Variants in LAMA3 observed in about 807,000 individuals in gnomAD.
The protein encoded by LAMA3 is laminin subunit alpha 3, also known as laminin subunit alpha-3.
A neutral mutation model predicts 402.0 loss-of-function variants in LAMA3; 281 were observed. The ratio of observed to expected loss-of-function variants is 0.70; its 90% CI spans 0.63 to 0.77. The LOEUF is 0.77. Among genes scored for constraint, LAMA3 ranks in the 30% least tolerant of loss-of-function variants. The probability of loss-of-function intolerance (pLI) is 0.00; values close to 1 mark genes in which losing one functional copy is unlikely to be tolerated. For synonymous variants in LAMA3, 1,431 were observed against 1,558.4 expected (o/e 0.92, Z 1.93); for missense variants, 3,840 against 4,215.5 (o/e 0.91, Z 2.47).
chr18:23,898,614 T>G, intron 44 of LAMA3, 124 bp from the exon 45 acceptor site: 1 of 729,892 alleles, frequency 1.4e-6, no homozygotes, highest in Non-Finnish European at 2.5e-6. Flanking sequence ...AGAACCACAT[T>G]TGTGTGTGTG....
intron 32 of LAMA3, among the ~76,000 whole-genome samples, chr18:23,849,236 A>C (rs1427501687): frequency 6.6e-6 from 1 of 152,204 alleles, no homozygotes; most frequent in Non-Finnish European, 1.5e-5. Context: ...CACACCTTTA[A>C]TTGTTATCTG....
At chr18:23,723,639 T>C (rs1458577111) in intron 2 of LAMA3, among the ~76,000 whole-genome samples, 2 of 152,232 alleles carry the variant, frequency 1.3e-5, no homozygotes, top group Non-Finnish European at 2.9e-5. Flanking sequence ...GTCAGCTTGC[T>C]GGCTCTGGGT....
At chr18:23,728,552 A>AG in intron 2 of LAMA3, among the ~76,000 whole-genome samples, 1 of 152,172 alleles carries the variant, frequency 6.6e-6, no homozygotes, top group East Asian at 1.9e-4. Context: ...CATTACCAGA[A>AG]GGCTTCCCTC....
chr18:23,747,254 A>G (rs532710223), intron 2 of LAMA3, among the ~76,000 whole-genome samples: 8 of 152,316 alleles, frequency 5.3e-5, no homozygotes, highest in South Asian at 2.1e-4. Context: ...ATAAACTGCA[A>G]AGGCTCCTGG....
At chr18:23,886,584 G>T (rs2065081578) in intron 41 of LAMA3, among the ~76,000 whole-genome samples, 1 of 151,946 alleles carries the variant, frequency 6.6e-6, no homozygotes, top group Non-Finnish European at 1.5e-5. Flanking sequence ...CGAGGCTGCA[G>T]TGAGCTATGA....
At chr18:23,910,705 A>AT (rs1224937660) in intron 55 of LAMA3, among the ~76,000 whole-genome samples, 3 of 152,074 alleles carry the variant, frequency 2.0e-5, no homozygotes, top group Non-Finnish European at 4.4e-5. Flanking sequence ...ACACACAAAG[A>AT]TTTTTTTTAA....
intron 42 of LAMA3, among the ~76,000 whole-genome samples, chr18:23,893,133 C>G (rs1429873655): frequency 6.6e-6 from 1 of 152,044 alleles, no homozygotes; most frequent in African/African-American, 2.4e-5. Context: ...TCTGTATATA[C>G]ACACAAAGTG....
intron 42 of LAMA3, among the ~76,000 whole-genome samples, chr18:23,892,296 G>C (rs959179186): frequency 5.3e-5 from 8 of 152,118 alleles, no homozygotes; most frequent in Admixed American, 4.6e-4. Context: ...ATGAAATGAG[G>C]ATAGTAACTA....
rs2064515604 is a variant in LAMA3 at position 23,871,454 on chromosome 18, C to T, written c.4791C>T (p.Ser1597=). 1 of 1,613,896 alleles carries T rather than the reference C, an allele frequency of 6.2e-7. No homozygotes were observed. The change falls in exon 38 of 75, where the codon AGC becomes AGT. Residue 1597 remains serine (S), a synonymous_variant. Coordinates refer to ENST00000313654, the MANE Select transcript of LAMA3 (RefSeq NM_198129.4). ...AGGGAAACTTCAGACATGCCAGCAGCCGTGCCCCAGTGTCTAGGGAGGAGC... is the reference window on the plus strand; with the variant it reads ...AGGGAAACTTCAGACATGCCAGCAGTCGTGCCCCAGTGTCTAGGGAGGAGC... The part of the protein sequence containing the change: ...VVEGNFRHAS[S]RAPVSREELM...
intron 2 of LAMA3, among the ~76,000 whole-genome samples, chr18:23,716,756 T>C (rs1256905917): frequency 6.6e-6 from 1 of 152,196 alleles, no homozygotes; most frequent in Non-Finnish European, 1.5e-5. Context: ...GCGAGGCTGC[T>C]GAGAATGTGG....
At chr18:23,900,306 A>G (rs1225335313) in intron 47 of LAMA3, among the ~76,000 whole-genome samples, 1 of 152,180 alleles carries the variant, frequency 6.6e-6, no homozygotes, top group African/African-American at 2.4e-5. Flanking sequence ...CCTGACATCA[A>G]GCAATACGCC....
At chr18:23,795,609 G>A (rs924276901) in intron 12 of LAMA3, among the ~76,000 whole-genome samples, 5 of 152,134 alleles carry the variant, frequency 3.3e-5, no homozygotes, top group Non-Finnish European at 7.4e-5. Flanking sequence ...ACAATTTCAC[G>A]TGACAGAAAA....
intron 8 of LAMA3, among the ~76,000 whole-genome samples, chr18:23,771,678 C>A (rs541962125): frequency 2.0e-5 from 3 of 151,850 alleles, no homozygotes; most frequent in East Asian, 3.8e-4. Flanking sequence ...TTTTGAAATG[C>A]GTAAGAGATA....
intron 5 of LAMA3, among the ~76,000 whole-genome samples, chr18:23,752,791 C>T (rs1330350987): frequency 6.6e-6 from 1 of 152,144 alleles, no homozygotes; most frequent in Non-Finnish European, 1.5e-5. Flanking sequence ...ATCAATAGAG[C>T]TCTTTAAGGC....
At chr18:23,848,754 A>G (rs2063879526) in intron 32 of LAMA3, among the ~76,000 whole-genome samples, 1 of 152,150 alleles carries the variant, frequency 6.6e-6, no homozygotes, top group Admixed American at 6.5e-5. Context: ...AAAATAACAG[A>G]AATTTATTCT....
chr18:23,755,481 T>A (rs532629909), intron 6 of LAMA3, among the ~76,000 whole-genome samples: 122 of 152,206 alleles, frequency 8.0e-4, no homozygotes, highest in Middle Eastern at 3.2e-3. Flanking sequence ...GAAATCCACA[T>A]CCATGATGAG....
At chr18:23,858,594 C>A in intron 33 of LAMA3, 95 bp from the exon 34 acceptor site, 1 of 1,116,772 alleles carries the variant, frequency 9.0e-7, no homozygotes, top group Non-Finnish European at 1.4e-6. Flanking sequence ...CTCATCCTAA[C>A]ATCTTGTGTT....
chr18:23,790,499 A>G (rs745479784), intron 12 of LAMA3, among the ~76,000 whole-genome samples: 4 of 152,228 alleles, frequency 2.6e-5, no homozygotes, highest in Non-Finnish European at 5.9e-5. Flanking sequence ...CTGCTGTGCT[A>G]AAAGATCCTG....
chr18:23,870,311 A>C (rs867046883), intron 37 of LAMA3, among the ~76,000 whole-genome samples: 7 of 152,070 alleles, frequency 4.6e-5, no homozygotes, highest in Admixed American at 1.3e-4. Flanking sequence ...TCAAAAAAAA[A>C]ACAAAAATTA....
Sources: gnomAD v4.1 joint callset for allele counts (sites outside exome capture counted in the v4.1 genomes callset) on GRCh38, gnomAD v4.1.1 for gene constraint, MANE v1.5 for transcripts, NCBI Gene and HGNC (gene_info 2026-07-23, HGNC 2026-07-21) for gene names.